NOL11: variants seen among roughly 807,000 people sequenced by gnomAD.
NOL11 encodes the protein nucleolar protein 11.
NOL11 carries 42 observed loss-of-function variants against 93.0 expected under a neutral mutation model. The observed-to-expected ratio is 0.45, with a 90% CI of 0.35 to 0.58. The LOEUF is 0.58. NOL11 is among the 20% of genes least tolerant of loss of function. The pLI is 0.00. For synonymous variants in NOL11, 296 were observed against 293.7 expected (o/e 1.01, Z -0.08); for missense variants, 775 against 841.8 (o/e 0.92, Z 0.98).
At chr17:67,727,524 G>A (rs2055107161) in intron 7 of NOL11, among the ~76,000 whole-genome samples, 1 of 152,182 alleles carries the variant, frequency 6.6e-6, no homozygotes, top group African/African-American at 2.4e-5. Context: ...GGGTGTGGTG[G>A]CGCATGCCTG....
In NOL11 at chr17:67,719,948, G is replaced by C. The variant is rs771153752; in HGVS notation, c.298G>C (p.Val100Leu). 2.6e-6 allele frequency: 4 copies of C among 1,567,904 alleles called. No individual in the cohort carries two copies. Among genetic ancestry groups the C allele is most frequent in the African/African-American group, 1.4e-5 (1 of 73,244 alleles). Residue 100 changes from valine (V) to leucine (L), a missense_variant, in exon 3 of 18, where the codon GTA becomes CTA. By Grantham distance (32) the Val-to-Leu change is conservative (BLOSUM62 1). Around this residue, in one of 2 missense-constraint regions of NOL11, gnomAD observed 359 missense variants for 316.5 expected, o/e 1.13. Coordinates refer to ENST00000253247, the MANE Select transcript of NOL11 (RefSeq NM_015462.5). ...WNNEDVNLDKVFKATLSAEVY... is the reference protein window; with the variant it reads ...WNNEDVNLDKLFKATLSAEVY... ...TAATGAAGATGTAAACCTGGATAAA[G>C]TATTTAAAGCTACAGTAAGTCTTTG...
rs1398363350 is a variant in NOL11, at chr17:67,743,472, T to A, written c.1936-7T>A. The A allele has an allele frequency of 7.0e-6, 9 of 1,291,364 alleles. No individual in the cohort carries two copies. Among genetic ancestry groups the A allele is most frequent in the Non-Finnish European group, 1.0e-5 (9 of 902,826 alleles). 80.0% of individuals were successfully genotyped at this position (1,291,364 alleles called of 1,614,324 possible). A position where few individuals can be genotyped will look rare whatever the true frequency, so the allele number is the denominator to read the frequency against. ...AATCTTAACTTCCTTTTCCTATTCATCTTCAGATTATGGATTGGATATGTC... is the reference window on the plus strand; with the variant it reads ...AATCTTAACTTCCTTTTCCTATTCAACTTCAGATTATGGATTGGATATGTC... On this transcript the variant is annotated splice_region_variant and splice_polypyrimidine_tract_variant and intron_variant, in intron 16 of 17. Transcript: ENST00000253247.
At position 67,724,069 on chromosome 17, in the gene NOL11, C is replaced by A; in HGVS notation, c.540C>A (p.Tyr180Ter). 2 of 1,547,968 alleles carry A rather than the reference C, an allele frequency of 1.3e-6. No individual in the cohort carries two copies. The highest frequency in any genetic ancestry group is 1.2e-5 in the South Asian group (1 of 82,578). The change falls in exon 6 of 18, where the codon TAC (tyrosine) becomes TAA (stop). Residue 180 changes from tyrosine to a stop codon, truncating the protein, a stop_gained. Transcript: ENST00000253247. LOFTEE classifies it high-confidence loss of function. ...TGCAGCATGGAAATTACTTTGCTTA[C>A]GTGCAAATGTTTAACTCACGTATCT... ...ITEKHGNYFA[Y>*]VQMFNSRILT... is the part of the protein sequence containing the mutation.
Position 67,736,000 on chromosome 17 carries a change from A to G in NOL11, c.1031A>G (p.Lys344Arg), listed in dbSNP as rs974950969. The change falls in exon 9 of 18, where the codon AAA becomes AGA. Residue 344 changes from lysine to arginine, a missense_variant. Physicochemically the swap from Lys to Arg is conservative, Grantham distance 26. Around this residue, in one of 2 missense-constraint regions of NOL11, gnomAD observed 416 missense variants for 525.2 expected, o/e 0.79. Transcript: ENST00000253247. Reference protein sequence around the residue: ...EVSSLAGALGKLKHSQDPGTH... With the variant: ...EVSSLAGALGRLKHSQDPGTH... ...TCATCATTAGCAGGTGCTCTTGGAAAACTCAAGCATAGTCAAGATCCAGGT... is the reference window on the plus strand; with the variant it reads ...TCATCATTAGCAGGTGCTCTTGGAAGACTCAAGCATAGTCAAGATCCAGGT... 1.1e-5 allele frequency: 18 copies of G among 1,608,168 alleles called. No homozygotes were observed. Among genetic ancestry groups the G allele is most frequent in the East Asian group, 4.5e-5 (2 of 44,408 alleles).
chr17:67,732,091 T>C (rs1180584852), intron 7 of NOL11, among the ~76,000 whole-genome samples: 1 of 152,206 alleles, frequency 6.6e-6, no homozygotes, highest in African/African-American at 2.4e-5. Flanking sequence ...AGTCTTCCAA[T>C]TGCTGAACAC....
At chr17:67,732,208 C>T (rs893884488) in intron 7 of NOL11, among the ~76,000 whole-genome samples, 1 of 152,030 alleles carries the variant, frequency 6.6e-6, no homozygotes, top group Non-Finnish European at 1.5e-5. Context: ...AGGGACCGGG[C>T]GCAGTAATCA....
intron 12 of NOL11, 25 bp from the exon 13 acceptor site, chr17:67,737,822 A>G (rs574912540): frequency 6.2e-7 from 1 of 1,602,862 alleles, no homozygotes; most frequent in South Asian, 1.1e-5. Context: ...AATATGTAAT[A>G]GTGATTCAGA....
At chr17:67,723,005 CTTT>C (rs61233443) in intron 5 of NOL11, among the ~76,000 whole-genome samples, 3 of 124,596 alleles carry the variant, frequency 2.4e-5, no homozygotes, top group Non-Finnish European at 3.3e-5. Context: ...AATTTCAAAA[CTTT>C]TTTTTTTTTT....
intron 7 of NOL11, among the ~76,000 whole-genome samples, chr17:67,729,904 GCTT>G (rs1399788356): frequency 6.6e-6 from 1 of 151,962 alleles, no homozygotes; most frequent in East Asian, 1.9e-4. Context: ...TTTGTGTCTG[GCTT>G]CTTTGACTTA....
chr17:67,723,360 A>C (rs2055052416), intron 5 of NOL11, among the ~76,000 whole-genome samples: 1 of 135,996 alleles, frequency 7.4e-6, no homozygotes, highest in Admixed American at 7.7e-5. Context: ...ATTCTCTCAG[A>C]AGATCTCTAA....
At chr17:67,722,725 C>T in intron 5 of NOL11, 88 bp downstream of exon 5, 1 of 1,432,430 alleles carries the variant, frequency 7.0e-7, no homozygotes, top group South Asian at 1.5e-5. Context: ...TGCCCTGTCA[C>T]CCAGGCTTGA....
At position 67,743,883 on chromosome 17, in the gene NOL11, C is replaced by A; in HGVS notation, c.*24C>A. ...GATATTATCAATTCTCCTTCATAGA[C>A]ATTTTATAAAGCTCTTTTATGTGAA... On this transcript the variant is annotated 3_prime_UTR_variant, in exon 18 of 18. Transcript: ENST00000253247. 1.7e-6 allele frequency: 2 copies of A among 1,161,166 alleles called. No homozygotes were observed. The highest frequency in any genetic ancestry group is 1.4e-5 in the South Asian group (1 of 70,448). 71.9% of individuals were successfully genotyped at this position (1,161,166 alleles called of 1,614,324 possible).
At chr17:67,719,052 G>C (rs558414209) in intron 1 of NOL11, 1 of 152,062 alleles carries the variant, frequency 6.6e-6, no homozygotes, top group Non-Finnish European at 1.5e-5. Flanking sequence ...TTTAACAAAG[G>C]GTTGCTTATT....
At chr17:67,718,428 T>A (rs1013904228) in intron 1 of NOL11, among the ~76,000 whole-genome samples, 1 of 152,140 alleles carries the variant, frequency 6.6e-6, no homozygotes, top group African/African-American at 2.4e-5. Context: ...CGCGGGAGGA[T>A]GGAACGGAGA....
intron 5 of NOL11, 71 bp downstream of exon 5, chr17:67,722,708 A>C: frequency 1.3e-6 from 2 of 1,503,262 alleles, no homozygotes; most frequent in Non-Finnish European, 1.8e-6. Context: ...ATTTAGAGAC[A>C]GGGTGTTGCC....
At chr17:67,739,644 A>G in intron 16 of NOL11, 36 bp downstream of exon 16, 2 of 1,343,580 alleles carry the variant, frequency 1.5e-6, no homozygotes. Context: ...TGGTGCTGGG[A>G]AAAATCTGTG....
chr17:67,721,072 A>G (rs1444328937), intron 3 of NOL11, among the ~76,000 whole-genome samples: 2 of 152,310 alleles, frequency 1.3e-5, no homozygotes, highest in South Asian at 4.1e-4. Flanking sequence ...TGAATGGCTT[A>G]TCTGTATCTT....
In NOL11 at chr17:67,724,131, ACT is replaced by A. The variant is rs2055064071; in HGVS notation, c.605_606del (p.Ser202CysfsTer22). On this transcript the variant is annotated frameshift_variant, in exon 6 of 18. Coordinates refer to ENST00000253247, the MANE Select transcript of NOL11 (RefSeq NM_015462.5). LOFTEE classifies it high-confidence loss of function. Reference sequence around the variant, plus strand: ...ACACTCTTACTTGGACAAGACGAAAACTCTGTTATAAAGAGTTTTACTGCATC... The same window carrying A: ...ACACTCTTACTTGGACAAGACGAAAACTGTTATAAAGAGTTTTACTGCATC... 2.5e-6 allele frequency: 4 copies of A among 1,594,068 alleles called. No individual in the cohort carries two copies. Among genetic ancestry groups the A allele is most frequent in the Admixed American group, 1.8e-5 (1 of 55,674 alleles).
chr17:67,722,910 G>A (rs1295912974), intron 5 of NOL11, among the ~76,000 whole-genome samples: 6 of 151,794 alleles, frequency 4.0e-5, no homozygotes, highest in South Asian at 4.2e-4. Context: ...GGCTGGTCTC[G>A]AACTCCTTGG....
Sources: allele counts gnomAD v4.1 joint callset (sites outside exome capture counted in the v4.1 genomes callset), GRCh38; gene constraint gnomAD v4.1.1; regional missense constraint gnomAD v4.1.1; transcripts MANE v1.5; gene names NCBI Gene and HGNC (gene_info 2026-07-23, HGNC 2026-07-21).